Variants in RARB observed in about 807,000 individuals in gnomAD.
RARB encodes HBV-activated protein.
A neutral mutation model predicts 51.9 loss-of-function variants in RARB; 17 were observed. The observed-to-expected ratio is 0.33, with a 90% CI of 0.22 to 0.49. The LOEUF is 0.49. Among genes scored for constraint, RARB ranks in the 20% least tolerant of loss-of-function variants. The pLI, the probability that RARB is intolerant of heterozygous loss-of-function variation, is 0.99. For synonymous variants in RARB, 215 were observed against 195.4 expected (o/e 1.10, Z -0.84); for missense variants, 369 against 550.8 (o/e 0.67, Z 3.30).
intron 2 of RARB, among the ~76,000 whole-genome samples, chr3:25,059,317 C>T (rs1234393263): frequency 6.6e-6 from 1 of 151,616 alleles, no homozygotes; most frequent in African/African-American, 2.4e-5. Flanking sequence ...AGGGCACACT[C>T]CTAAAAGTAA....
At chr3:25,316,972 A>G (rs1377160813) in intron 5 of RARB, among the ~76,000 whole-genome samples, 1 of 152,172 alleles carries the variant, frequency 6.6e-6, no homozygotes, top group Non-Finnish European at 1.5e-5. Context: ...TAGCCAACCA[A>G]GGTCCTCTGC....
intron 3 of RARB, among the ~76,000 whole-genome samples, chr3:25,567,601 A>G (rs1476362889): frequency 6.6e-6 from 1 of 152,154 alleles, no homozygotes; most frequent in African/African-American, 2.4e-5. Flanking sequence ...TCACACTGTC[A>G]TGAACATTCA....
intron 5 of RARB, among the ~76,000 whole-genome samples, chr3:25,315,278 C>T (rs749068591): frequency 6.6e-6 from 1 of 152,306 alleles, no homozygotes; most frequent in South Asian, 2.1e-4. Context: ...CTCCCCCTAA[C>T]CAGTCCCTAG....
intron 2 of RARB, among the ~76,000 whole-genome samples, chr3:25,013,919 A>C (rs1489326081): frequency 6.6e-6 from 1 of 152,118 alleles, no homozygotes; most frequent in Non-Finnish European, 1.5e-5. Flanking sequence ...ACAAAACTGA[A>C]AAGTGTCGGA....
chr3:25,041,228 C>G (rs1272290852), intron 2 of RARB, among the ~76,000 whole-genome samples: 1 of 152,146 alleles, frequency 6.6e-6, no homozygotes, highest in Non-Finnish European at 1.5e-5. Flanking sequence ...GGGGATGTCA[C>G]TTACCACCCT....
intron 5 of RARB, among the ~76,000 whole-genome samples, chr3:25,316,882 A>G (rs556434420): frequency 6.6e-6 from 1 of 152,344 alleles, no homozygotes; most frequent in African/African-American, 2.4e-5. Context: ...AGGAACTCTA[A>G]GAAACTATCC....
intron 4 of RARB, among the ~76,000 whole-genome samples, chr3:25,576,199 G>A (rs1299282370): frequency 1.3e-5 from 2 of 152,152 alleles, no homozygotes; most frequent in Non-Finnish European, 2.9e-5. Context: ...GGGGCTTTGG[G>A]TGCTGGGATA....
chr3:25,115,326 T>C (rs948441689), intron 3 of RARB, among the ~76,000 whole-genome samples: 2 of 152,204 alleles, frequency 1.3e-5, no homozygotes, highest in Non-Finnish European at 2.9e-5. Flanking sequence ...TTTGTCTTAG[T>C]AGTACATAAA....
intron 3 of RARB, among the ~76,000 whole-genome samples, chr3:25,074,235 A>G (rs1054502174): frequency 6.6e-6 from 1 of 152,232 alleles, no homozygotes; most frequent in Non-Finnish European, 1.5e-5. Flanking sequence ...ATTTTGAAAA[A>G]GAATAGCTTT....
intron 3 of RARB, among the ~76,000 whole-genome samples, chr3:25,070,013 A>G (rs1387668207): frequency 1.3e-5 from 2 of 152,208 alleles, no homozygotes; most frequent in Admixed American, 1.3e-4. Context: ...GTCTGGAATC[A>G]AGGTATCAGG....
chr3:25,480,630 A>G (rs1330338189), intron 2 of RARB, among the ~76,000 whole-genome samples: 2 of 152,312 alleles, frequency 1.3e-5, no homozygotes, highest in African/African-American at 2.4e-5. Context: ...GTTTAGATAA[A>G]AAGATACCTG....
chr3:25,080,204 T>C (rs1698965870), intron 3 of RARB, among the ~76,000 whole-genome samples: 1 of 152,252 alleles, frequency 6.6e-6, no homozygotes, highest in African/African-American at 2.4e-5. Flanking sequence ...TGTGTCTGAT[T>C]TGTTTCACTT....
chr3:24,925,643 C>CT (rs564076072), intron 2 of RARB, among the ~76,000 whole-genome samples: 29,988 of 96,324 alleles, frequency 0.31, 4,596 homozygotes, highest in Non-Finnish European at 0.39. Context: ...CAGATCCTGT[C>CT]TTTTTTTTTT....
At chr3:25,166,469 GA>G (rs549469018) in intron 4 of RARB, among the ~76,000 whole-genome samples, 3 of 151,930 alleles carry the variant, frequency 2.0e-5, no homozygotes, top group South Asian at 2.1e-4. Context: ...AATACATTGG[GA>G]AAAAAATGGC....
chr3:25,569,641 GT>G, intron 3 of RARB, 116 bp from the exon 4 acceptor site: 1 of 1,241,476 alleles, frequency 8.1e-7, no homozygotes, highest in East Asian at 2.3e-5. Flanking sequence ...TCTTCCCACT[GT>G]TTCTGTCCCA....
chr3:25,345,438 G>C (rs1432055907), intron 5 of RARB, among the ~76,000 whole-genome samples: 1 of 152,048 alleles, frequency 6.6e-6, no homozygotes, highest in Non-Finnish European at 1.5e-5. Context: ...AGGCTGAGGT[G>C]GGTGGATCAC....
chr3:25,362,956 A>C (rs1043201377), intron 5 of RARB, among the ~76,000 whole-genome samples: 34 of 152,158 alleles, frequency 2.2e-4, no homozygotes, highest in Non-Finnish European at 3.8e-4. Flanking sequence ...TTTTATGGCA[A>C]ATGTTGATGA....
chr3:24,950,032 T>C (rs1575086898), intron 2 of RARB, among the ~76,000 whole-genome samples: 1 of 152,244 alleles, frequency 6.6e-6, no homozygotes, highest in Admixed American at 6.5e-5. Context: ...TATTGTGCCA[T>C]TGAAATGTTA....
At chr3:25,078,765 A>C (rs1698929075) in intron 3 of RARB, among the ~76,000 whole-genome samples, 1 of 152,160 alleles carries the variant, frequency 6.6e-6, no homozygotes, top group African/African-American at 2.4e-5. Flanking sequence ...TCCCGACCTC[A>C]GGTGATCTGT....
Sources: gnomAD v4.1 joint callset for allele counts (sites outside exome capture counted in the v4.1 genomes callset) on GRCh38, gnomAD v4.1.1 for gene constraint, MANE v1.5 for transcripts, NCBI Gene and HGNC (gene_info 2026-07-23, HGNC 2026-07-21) for gene names.